The following LINGO2 variants were observed in gnomAD, a reference collection of about 807,000 sequenced individuals.
LINGO2 encodes the protein leucine rich repeat and Ig domain containing 2, also known as leucine-rich repeat and immunoglobulin-like domain-containing nogo receptor-interacting protein 2.
Under a neutral mutation model 30.6 loss-of-function variants are expected in LINGO2, and 14 were observed. The observed-to-expected ratio is 0.46, with a 90% confidence interval of 0.30 to 0.72. The LOEUF is 0.72. LINGO2 is among the 30% of genes least tolerant of loss of function. The probability of loss-of-function intolerance (pLI) is 0.07; values close to 1 mark genes in which losing one functional copy is unlikely to be tolerated. For missense variants in LINGO2, 729 were observed against 751.7 expected (o/e 0.97, Z 0.35); for synonymous variants, 317 against 288.5 (o/e 1.10, Z -1.00).
At chr9:28,536,548 C>T (rs554723165) in intron 1 of LINGO2, among the ~76,000 whole-genome samples, 1 of 152,146 alleles carries the variant, frequency 6.6e-6, no homozygotes, top group East Asian at 1.9e-4. Flanking sequence ...GCAAATCAAG[C>T]ACAAGCAACA....
At chr9:28,204,825 A>C (rs961466623) in intron 4 of LINGO2, among the ~76,000 whole-genome samples, 1 of 152,172 alleles carries the variant, frequency 6.6e-6, no homozygotes, top group Non-Finnish European at 1.5e-5. Flanking sequence ...CCATGAACAG[A>C]ATCTTCTTTT....
At chr9:29,189,376 G>C in the LINGO2 span, among the ~76,000 whole-genome samples, 2 of 151,424 alleles carry the variant, frequency 1.3e-5, no homozygotes, top group African/African-American at 4.8e-5. Flanking sequence ...CTTCTCAGAC[G>C]GGGCGGTTGC....
the LINGO2 span, among the ~76,000 whole-genome samples, chr9:29,179,769 G>A: frequency 6.6e-6 from 1 of 152,072 alleles, no homozygotes; most frequent in African/African-American, 2.4e-5. Flanking sequence ...CCTAAAAAAT[G>A]TATATTTTTG....
chr9:29,112,363 G>A, the LINGO2 span, among the ~76,000 whole-genome samples: 6 of 152,052 alleles, frequency 3.9e-5, no homozygotes, highest in Non-Finnish European at 7.4e-5. Context: ...CTAGGGACCT[G>A]GCCCAGGAAT....
intron 4 of LINGO2, among the ~76,000 whole-genome samples, chr9:28,037,964 AAGAG>A (rs1824016643): frequency 2.6e-5 from 4 of 152,230 alleles, no homozygotes; most frequent in Non-Finnish European, 5.9e-5. Context: ...CTGAGGCATA[AAGAG>A]GTTAAGTAAT....
chr9:28,506,080 T>C lies in LINGO2; in HGVS notation c.-364-30055A>G, dbSNP rs369702319. ...ACAATATAATATGAGTAGTAATTTA[T>C]ATTGTTATTATAGGTGTTTACCTAT... On this transcript the variant is annotated intron_variant, in intron 1 of 5. Coordinates refer to ENST00000379992, the Ensembl canonical transcript of LINGO2. Among the ~76,000 whole-genome samples the C allele has an allele frequency of 7.4e-4, 113 of 151,890 alleles. No homozygotes were observed. In the South Asian group the frequency reaches 0.022, roughly 30 times the overall value.
intron 4 of LINGO2, among the ~76,000 whole-genome samples, chr9:28,180,978 AT>A (rs773809431): frequency 2.0e-5 from 3 of 152,168 alleles, no homozygotes; most frequent in Non-Finnish European, 2.9e-5. Flanking sequence ...ACAAAACCAC[AT>A]GATAAGAATT....
intron 1 of LINGO2, among the ~76,000 whole-genome samples, chr9:28,606,870 A>G (rs573353212): frequency 1.6e-4 from 25 of 152,182 alleles, no homozygotes; most frequent in Non-Finnish European, 3.1e-4. Context: ...ATCAAATTGT[A>G]CAATTAACTA....
Position 28,445,347 on chromosome 9 carries a change from C to T in LINGO2, c.-279+30593G>A, listed in dbSNP as rs1824380045. On this transcript the variant is annotated intron_variant, in intron 2 of 5. Transcript: ENST00000379992. ...GAGATACATGGTCCCTACACCTCAT[C>T]CTGACCACCCTGAAGCTTGTGATCA... 2.0e-5 allele frequency among the ~76,000 whole-genome samples: 3 copies of T among 152,156 alleles called. No homozygotes were observed. The South Asian group carries it at 6.2e-4, about 32-fold the overall frequency.
chr9:28,345,049 G>GTC (rs1233197107), intron 3 of LINGO2, among the ~76,000 whole-genome samples: 1 of 151,690 alleles, frequency 6.6e-6, no homozygotes, highest in East Asian at 1.9e-4. Flanking sequence ...CTTTGATAGT[G>GTC]TCTTATCTTT....
chr9:28,086,418 C>T (rs1825917094), intron 4 of LINGO2, among the ~76,000 whole-genome samples: 1 of 152,048 alleles, frequency 6.6e-6, no homozygotes, highest in Non-Finnish European at 1.5e-5. Flanking sequence ...GCCAATATAA[C>T]TAACTTTAAA....
At chr9:28,082,278 G>A (rs1460172029) in intron 4 of LINGO2, among the ~76,000 whole-genome samples, 2 of 152,076 alleles carry the variant, frequency 1.3e-5, no homozygotes, top group Non-Finnish European at 2.9e-5. Context: ...ACTCTAATTG[G>A]TAATGGAAAC....
chr9:28,679,005 A>G, the LINGO2 span, among the ~76,000 whole-genome samples: 1 of 152,142 alleles, frequency 6.6e-6, no homozygotes, highest in Admixed American at 6.6e-5. Flanking sequence ...ACAAAATCAT[A>G]CAATATGTGG....
chr9:28,045,647 G>A (rs1563940199), intron 4 of LINGO2, among the ~76,000 whole-genome samples: 1 of 152,116 alleles, frequency 6.6e-6, no homozygotes, highest in Non-Finnish European at 1.5e-5. Flanking sequence ...AATACTTACA[G>A]ATATTTTTAA....
intron 2 of LINGO2, among the ~76,000 whole-genome samples, chr9:28,393,836 A>C (rs2047024953): frequency 6.6e-6 from 1 of 152,172 alleles, no homozygotes; most frequent in African/African-American, 2.4e-5. Flanking sequence ...TCTCCCAAGC[A>C]ACCTTCAGCT....
chr9:28,287,377 G>A (rs549286043), intron 4 of LINGO2, among the ~76,000 whole-genome samples: 17 of 152,318 alleles, frequency 1.1e-4, no homozygotes, highest in Admixed American at 4.6e-4. Context: ...AAGCTGAACT[G>A]ACGTTCACTT....
At chr9:28,111,688 A>G (rs1826796434) in intron 4 of LINGO2, among the ~76,000 whole-genome samples, 1 of 152,160 alleles carries the variant, frequency 6.6e-6, no homozygotes, top group African/African-American at 2.4e-5. Context: ...TAATTGTAGT[A>G]CAATAAATGT....
the LINGO2 span, among the ~76,000 whole-genome samples, chr9:29,167,066 T>C: frequency 6.6e-6 from 1 of 152,096 alleles, no homozygotes; most frequent in Non-Finnish European, 1.5e-5. Flanking sequence ...ATCCAAAATA[T>C]ACATTGTAAA....
chr9:28,740,465 C>T, the LINGO2 span, among the ~76,000 whole-genome samples: 2 of 151,660 alleles, frequency 1.3e-5, no homozygotes, highest in African/African-American at 2.4e-5. Context: ...AATTTTGTTT[C>T]CTGTTATACG....
Sources: allele counts gnomAD v4.1 joint callset (sites outside exome capture counted in the v4.1 genomes callset), GRCh38; gene constraint gnomAD v4.1.1; transcripts MANE v1.5; gene names NCBI Gene and HGNC (gene_info 2026-07-23, HGNC 2026-07-21).